TINAG: variants seen among roughly 807,000 people sequenced by gnomAD.
The protein encoded by TINAG is tubulointerstitial nephritis antigen.
In TINAG, 83 loss-of-function variants were observed where a neutral mutation model predicts 72.7. That is an observed-to-expected ratio of 1.14 (90% CI 0.96 to 1.37). The LOEUF is 1.37. Among genes scored for constraint, TINAG ranks in the 40% most tolerant of loss-of-function variants. The pLI, the probability that TINAG is intolerant of heterozygous loss-of-function variation, is 0.00. For missense variants in TINAG, 685 were observed against 576.6 expected (o/e 1.19, Z -1.93); for synonymous variants, 234 against 189.9 (o/e 1.23, Z -1.91).
chr6:54,316,772 G>A (rs977729260), intron 1 of TINAG, among the ~76,000 whole-genome samples: 2 of 151,948 alleles, frequency 1.3e-5, no homozygotes, highest in East Asian at 1.9e-4. Flanking sequence ...TCTTTTTGCA[G>A]TTCAAGAAGT....
Position 54,383,851 on chromosome 6 carries a change from G to A in TINAG, c.1296+3280G>A, listed in dbSNP as rs571603308. 2.6e-5 allele frequency among the ~76,000 whole-genome samples: 4 copies of A among 152,094 alleles called. No individual in the cohort carries two copies. The East Asian group carries it at 7.7e-4, about 29-fold the overall frequency. On this transcript the variant is annotated intron_variant, in intron 10 of 10. Coordinates refer to ENST00000259782, the MANE Select transcript of TINAG (RefSeq NM_014464.4). ...CATTTGACCCAGCAATCTCATTACT[G>A]GGTATATACCCAAAAGATTATAAAT...
intron 4 of TINAG, among the ~76,000 whole-genome samples, chr6:54,333,057 G>C (rs756701047): frequency 6.6e-6 from 1 of 152,004 alleles, no homozygotes; most frequent in Non-Finnish European, 1.5e-5. Context: ...GGAGGCAGTG[G>C]GGCAGTTCCT....
At chr6:54,329,751 T>C (rs1028082555) in intron 4 of TINAG, among the ~76,000 whole-genome samples, 6 of 151,770 alleles carry the variant, frequency 4.0e-5, no homozygotes, top group African/African-American at 1.5e-4. Flanking sequence ...AAGATACACA[T>C]AGGCTCAAAA....
rs191586272 is a variant in TINAG at position 54,337,506 on chromosome 6, G to A, written c.625-5720G>A. On this transcript the variant is annotated intron_variant, in intron 4 of 10. Transcript: ENST00000259782. ...TGCCCTCAGGTGATCCGCCCGCTTC[G>A]GCCTCCCAAAATGCTGGGATTACAG... 8.6e-5 allele frequency among the ~76,000 whole-genome samples: 13 copies of A among 151,922 alleles called. No individual in the cohort carries two copies. In the East Asian group the frequency reaches 1.9e-3, roughly 23 times the overall value.
At chr6:54,320,154 T>C (rs912118398) in intron 1 of TINAG, among the ~76,000 whole-genome samples, 8 of 152,112 alleles carry the variant, frequency 5.3e-5, no homozygotes, top group Non-Finnish European at 1.2e-4. Flanking sequence ...GTATTTTGAG[T>C]CCAAAGCTAC....
intron 5 of TINAG, 125 bp downstream of exon 5, chr6:54,343,474 C>A: frequency 1.0e-6 from 1 of 956,514 alleles, no homozygotes; most frequent in Non-Finnish European, 1.4e-6. Flanking sequence ...AATAAAATCT[C>A]ATTATGATGG....
At chr6:54,348,292 TTGAA>T (rs1785174582) in intron 6 of TINAG, among the ~76,000 whole-genome samples, 1 of 152,142 alleles carries the variant, frequency 6.6e-6, no homozygotes. Context: ...ATGTGGTACT[TTGAA>T]TGGGCAACTT....
At chr6:54,380,175 C>G (rs531852529) in intron 9 of TINAG, among the ~76,000 whole-genome samples, 5 of 152,060 alleles carry the variant, frequency 3.3e-5, no homozygotes, top group Admixed American at 1.3e-4. Flanking sequence ...TCCAGTCTAT[C>G]ATTGATGGGC....
At chr6:54,339,034 T>C (rs1784936189) in intron 4 of TINAG, among the ~76,000 whole-genome samples, 1 of 152,194 alleles carries the variant, frequency 6.6e-6, no homozygotes, top group Non-Finnish European at 1.5e-5. Flanking sequence ...AGTTCATCCA[T>C]TTTCAGATGC....
At chr6:54,322,002 A>T (rs1784501012) in intron 3 of TINAG, among the ~76,000 whole-genome samples, 1 of 152,134 alleles carries the variant, frequency 6.6e-6, no homozygotes, top group South Asian at 2.1e-4. Flanking sequence ...ACATAGAGGA[A>T]ATTAAGATGT....
At chr6:54,326,938 C>A in intron 4 of TINAG, 22 bp downstream of exon 4, 1 of 1,612,968 alleles carries the variant, frequency 6.2e-7, no homozygotes. Flanking sequence ...TTCTGATTCA[C>A]GTATGTGCAT....
intron 1 of TINAG, among the ~76,000 whole-genome samples, chr6:54,315,892 C>T (rs1187599579): frequency 6.6e-6 from 1 of 152,114 alleles, no homozygotes; most frequent in Non-Finnish European, 1.5e-5. Context: ...GAGTCACTGA[C>T]ATGTTTGAAT....
chr6:54,377,925 G>A (rs1434321541), intron 9 of TINAG, among the ~76,000 whole-genome samples: 1 of 151,992 alleles, frequency 6.6e-6, no homozygotes, highest in Non-Finnish European at 1.5e-5. Context: ...TTTAACCACA[G>A]GAATTTGCTA....
chr6:54,342,062 GGTGTGTGT>G (rs142069767), intron 4 of TINAG, among the ~76,000 whole-genome samples: 1 of 147,586 alleles, frequency 6.8e-6, no homozygotes, highest in African/African-American at 2.6e-5. Context: ...AAATGATTGG[GGTGTGTGT>G]GTGTGTGTGT....
At chr6:54,332,112 T>C (rs1338295571) in intron 4 of TINAG, among the ~76,000 whole-genome samples, 1 of 151,996 alleles carries the variant, frequency 6.6e-6, no homozygotes, top group Non-Finnish European at 1.5e-5. Context: ...AATTAGAAAA[T>C]ACTACTTTAA....
chr6:54,350,153 A>G (rs1246313086), intron 7 of TINAG, among the ~76,000 whole-genome samples: 1 of 152,084 alleles, frequency 6.6e-6, no homozygotes, highest in Non-Finnish European at 1.5e-5. Context: ...TATGTTTCAT[A>G]ATATGTGTAT....
At chr6:54,327,801 AG>A (rs959553030) in intron 4 of TINAG, among the ~76,000 whole-genome samples, 5 of 152,050 alleles carry the variant, frequency 3.3e-5, no homozygotes, top group Non-Finnish European at 5.9e-5. Context: ...AGGCTTGAGT[AG>A]GCGGTTTTCC....
At chr6:54,374,296 C>T (rs1359460515) in intron 9 of TINAG, among the ~76,000 whole-genome samples, 1 of 152,006 alleles carries the variant, frequency 6.6e-6, no homozygotes, top group African/African-American at 2.4e-5. Context: ...TGCTCCTCAA[C>T]CTGTGATAAA....
At chr6:54,316,853 T>C (rs1784384354) in intron 1 of TINAG, among the ~76,000 whole-genome samples, 2 of 152,226 alleles carry the variant, frequency 1.3e-5, no homozygotes, top group Non-Finnish European at 2.9e-5. Flanking sequence ...ATAGACAATG[T>C]ATTATTTTCT....
Sources: gnomAD v4.1 joint callset for allele counts (sites outside exome capture counted in the v4.1 genomes callset) on GRCh38, gnomAD v4.1.1 for gene constraint, MANE v1.5 for transcripts, NCBI Gene and HGNC (gene_info 2026-07-23, HGNC 2026-07-21) for gene names.